Variants in ESR1 observed in about 807,000 individuals in gnomAD.
The protein encoded by ESR1 is estrogen receptor.
In ESR1, 12 loss-of-function variants were observed where a neutral mutation model predicts 52.7. That is an observed-to-expected ratio of 0.23 (90% CI 0.15 to 0.37). ESR1 has a LOEUF of 0.37. Ranked by LOEUF, ESR1 falls within the 10% of genes least tolerant of loss-of-function variation. The pLI, the probability that ESR1 is intolerant of heterozygous loss-of-function variation, is 1.00. For synonymous variants in ESR1, 305 were observed against 316.8 expected, an observed-to-expected ratio of 0.96 and a Z score of 0.39; for missense variants, 584 against 779.7, an observed-to-expected ratio of 0.75 and a Z score of 2.99.
chr6:152,013,119 C>A (rs2042911845), intron 5 of ESR1, among the ~76,000 whole-genome samples: 1 of 152,162 alleles, frequency 6.6e-6, no homozygotes, highest in Admixed American at 6.6e-5. Flanking sequence ...TAGAACTGTA[C>A]TCACAATGTA....
chr6:151,784,699 C>T (rs1156792164), intron 2 of ESR1, among the ~76,000 whole-genome samples: 2 of 152,226 alleles, frequency 1.3e-5, no homozygotes, highest in Non-Finnish European at 2.9e-5. Flanking sequence ...AACTTCCCCT[C>T]CTGGGTTCCA....
At chr6:152,114,982 A>G (rs1309395242) in intron 6 of ESR1, among the ~76,000 whole-genome samples, 1 of 150,158 alleles carries the variant, frequency 6.7e-6, no homozygotes, top group Non-Finnish European at 1.5e-5. Context: ...AATTATCATT[A>G]TTCTTATAGC....
At chr6:151,869,273 A>G (rs1317036450) in intron 2 of ESR1, among the ~76,000 whole-genome samples, 1 of 152,200 alleles carries the variant, frequency 6.6e-6, no homozygotes, top group African/African-American at 2.4e-5. Context: ...AAATAATCGA[A>G]CAGAGTGAAG....
At position 152,025,183 on chromosome 6, in the gene ESR1, T is replaced by G. The variant is rs183970895; in HGVS notation, c.1235+13389T>G. On this transcript the variant is annotated intron_variant, in intron 5 of 7. Transcript: ENST00000206249. ...AGAAAGTTTGGTGTCAAATTTGTGC[T>G]TTGTGTGTAGTCTTCATCACGCTTT... Among the ~76,000 whole-genome samples, 651 of 150,824 alleles carry G rather than the reference T, an allele frequency of 4.3e-3. 2 individuals are homozygous for G. Among genetic ancestry groups the G allele is most frequent in the African/African-American group, 0.015 (609 of 40,990 alleles).
chr6:151,831,182 A>G (rs112914448), intron 1 of ESR1, among the ~76,000 whole-genome samples: 2 of 148,122 alleles, frequency 1.4e-5, no homozygotes, highest in African/African-American at 5.0e-5. Flanking sequence ...TCTCTCTGTC[A>G]CCCATGCTGG....
At chr6:151,744,163 A>C (rs553760423) in intron 2 of ESR1, among the ~76,000 whole-genome samples, 1 of 152,160 alleles carries the variant, frequency 6.6e-6, no homozygotes, top group South Asian at 2.1e-4. Flanking sequence ...CTTGTACACA[A>C]CTGGATTTCC....
chr6:151,690,262 T>C (rs1197411770), upstream of ESR1, among the ~76,000 whole-genome samples: 2 of 152,224 alleles, frequency 1.3e-5, no homozygotes, highest in African/African-American at 4.8e-5. Flanking sequence ...CAAGCTTTAT[T>C]ACGAATAAAG....
intron 2 of ESR1, among the ~76,000 whole-genome samples, chr6:151,726,470 T>C (rs888863319): frequency 1.1e-4 from 16 of 152,180 alleles, no homozygotes; most frequent in Non-Finnish European, 1.9e-4. Flanking sequence ...TAGCTGGGAC[T>C]ACAGGCGCCT....
At chr6:151,887,214 A>T (rs1460502032) in intron 3 of ESR1, among the ~76,000 whole-genome samples, 3 of 152,002 alleles carry the variant, frequency 2.0e-5, no homozygotes, top group African/African-American at 7.3e-5. Context: ...GGGTGCTCCT[A>T]TTTAGGATTG....
rs138245621 is a variant in ESR1, at chr6:151,705,435, AGATGGAAAAGAT to A, written c.-71+3444_-71+3455del. Among the ~76,000 whole-genome samples, 506 of 152,358 alleles carry A rather than the reference AGATGGAAAAGAT, an allele frequency of 3.3e-3. 2 individuals carry two copies. The highest frequency in any genetic ancestry group is 0.01 in the Middle Eastern group (3 of 294). On this transcript the variant is annotated intron_variant, in intron 2 of 2. Coordinates refer to the ESR1 transcript ENST00000404742. ...GGGTTTCTAAACACATATGAACTAA[AGATGGAAAAGAT>A]GATGGAAAAGATGGAAAGAAGATGA...
At chr6:151,997,498 A>G (rs1477548481) in intron 4 of ESR1, among the ~76,000 whole-genome samples, 1 of 152,156 alleles carries the variant, frequency 6.6e-6, no homozygotes, top group Non-Finnish European at 1.5e-5. Flanking sequence ...AGTATCTCAT[A>G]GGATAATATT....
intron 2 of ESR1, among the ~76,000 whole-genome samples, chr6:151,773,204 G>A (rs1785657751): frequency 6.6e-6 from 1 of 152,190 alleles, no homozygotes; most frequent in Non-Finnish European, 1.5e-5. Flanking sequence ...GATGATGAAG[G>A]CAGAGTGGGG....
intron 2 of ESR1, among the ~76,000 whole-genome samples, chr6:151,849,455 C>A (rs1187440722): frequency 6.6e-6 from 1 of 152,030 alleles, no homozygotes; most frequent in Non-Finnish European, 1.5e-5. Context: ...ACCAGCCTGA[C>A]CAACATGGTG....
At chr6:151,805,689 T>G (rs2071454), upstream of ESR1, 32,671 of 152,026 alleles carry the variant, frequency 0.21, 4,698 homozygotes, top group African/African-American at 0.4. Flanking sequence ...ATCCACACAC[T>G]CTCTCTGCCT....
intron 4 of ESR1, among the ~76,000 whole-genome samples, chr6:152,007,000 T>C (rs1434251111): frequency 2.0e-5 from 3 of 152,074 alleles, no homozygotes; most frequent in Non-Finnish European, 4.4e-5. Flanking sequence ...TAGTGCTTAC[T>C]TTTTTTCATG....
At chr6:152,036,526 A>T (rs959908672) in intron 5 of ESR1, among the ~76,000 whole-genome samples, 5 of 152,056 alleles carry the variant, frequency 3.3e-5, no homozygotes, top group African/African-American at 9.7e-5. Flanking sequence ...AAAGAAAACA[A>T]CCTCCACCAC....
chr6:151,718,509 C>A (rs886250173), intron 2 of ESR1, among the ~76,000 whole-genome samples: 2 of 152,066 alleles, frequency 1.3e-5, no homozygotes, highest in African/African-American at 4.8e-5. Flanking sequence ...ACTAAAATAT[C>A]GTATTAGTGT....
intron 4 of ESR1, among the ~76,000 whole-genome samples, chr6:151,958,677 G>T (rs1479947869): frequency 6.6e-6 from 1 of 152,146 alleles, no homozygotes; most frequent in East Asian, 1.9e-4. Context: ...GTGTGTTATA[G>T]ATCAAAATGC....
chr6:151,806,220 C>T (rs1041517796), upstream of ESR1, among the ~76,000 whole-genome samples: 2 of 151,998 alleles, frequency 1.3e-5, no homozygotes, highest in Non-Finnish European at 1.5e-5. Context: ...ATGCTAAACT[C>T]GATTTTGGCT....
Sources: allele counts gnomAD v4.1 joint callset (sites outside exome capture counted in the v4.1 genomes callset), GRCh38; gene constraint gnomAD v4.1.1; transcripts MANE v1.5; gene names NCBI Gene and HGNC (gene_info 2026-07-23, HGNC 2026-07-21).